Variants in LPP observed in about 807,000 individuals in gnomAD.
LPP encodes the protein LIM domain containing preferred translocation partner in lipoma.
In LPP, 38 loss-of-function variants were observed where a neutral mutation model predicts 60.4. The ratio of observed to expected loss-of-function variants is 0.63; its 90% CI spans 0.49 to 0.83. The LOEUF (loss-of-function observed/expected upper bound fraction) is 0.83. LPP is among the 40% of genes least tolerant of loss of function. LPP has a pLI of 0.00. For synonymous variants in LPP, 328 were observed against 290.8 expected (o/e 1.13, Z -1.30); for missense variants, 902 against 783.6 (o/e 1.15, Z -1.80).
At chr3:188,207,212 C>CTTTTTTTTTTTTTCTTTTT (rs1733488069) in intron 1 of LPP, among the ~76,000 whole-genome samples, 1 of 129,334 alleles carries the variant, frequency 7.7e-6, no homozygotes. Flanking sequence ...TACACATTTT[C>CTTTTTTTTTTTTTCTTTTT]TTTTTTTTTT....
intron 7 of LPP, among the ~76,000 whole-genome samples, chr3:188,692,298 C>T (rs115612147): frequency 0.014 from 2,125 of 152,282 alleles, 21 homozygotes; most frequent in African/African-American, 0.025. Flanking sequence ...ACATCACTGA[C>T]ATCTTCATGC....
rs2150253916 is a variant in LPP, at chr3:188,746,754, AAT to A, written c.1241-13358_1241-13357del. 3 of 259,996 alleles carry A rather than the reference AAT, an allele frequency of 1.2e-5. No individual in the cohort carries two copies. In the East Asian group the frequency reaches 2.4e-4, roughly 21 times the overall value. The allele number at this position is 259,996 out of a possible 1,614,324, so 16.1% of individuals were successfully genotyped here. ...TAGGGATTTGGATATATGTTTACTA[AAT>A]GTGATAATCTAAGTATGGAAACTAC... is the stretch of plus-strand genomic sequence containing the variant. On this transcript the variant is annotated intron_variant, in intron 8 of 11. Coordinates refer to ENST00000617246, the MANE Select transcript of LPP (RefSeq NM_001375462.1).
chr3:188,837,224 C>A (rs1421334432), intron 9 of LPP, among the ~76,000 whole-genome samples: 1 of 151,598 alleles, frequency 6.6e-6, no homozygotes, highest in African/African-American at 2.4e-5. Flanking sequence ...ACTAAAAATA[C>A]AAAAATTAGC....
chr3:188,561,536 G>A (rs116544190), intron 6 of LPP, among the ~76,000 whole-genome samples: 217 of 152,140 alleles, frequency 1.4e-3, no homozygotes, highest in African/African-American at 5.0e-3. Context: ...ACTAAAAGTC[G>A]GAGGAGCAGA....
intron 2 of LPP, among the ~76,000 whole-genome samples, chr3:188,325,192 G>A (rs922388903): frequency 2.0e-5 from 3 of 152,028 alleles, no homozygotes; most frequent in Admixed American, 6.6e-5. Context: ...TGTTGGCCAG[G>A]CTGGTCTCGA....
intron 8 of LPP, among the ~76,000 whole-genome samples, chr3:188,752,986 C>G (rs1417997457): frequency 6.6e-6 from 1 of 152,236 alleles, no homozygotes; most frequent in East Asian, 1.9e-4. Context: ...CTGGACTGGC[C>G]CTTCCTCTTT....
rs1287155180 is a variant in LPP at position 188,883,336 on chromosome 3, C to A, written c.*8857C>A. On this transcript the variant is annotated 3_prime_UTR_variant, in exon 12 of 12. Transcript: ENST00000617246. Reference sequence around the variant, plus strand: ...TGGTTGTACTTTCCTATTTAGAAGACAGACCGTTCTGACAGTTGTTGTGTA... The same window carrying A: ...TGGTTGTACTTTCCTATTTAGAAGAAAGACCGTTCTGACAGTTGTTGTGTA... The A allele has an allele frequency of 2.3e-5, 5 of 215,440 alleles. No homozygotes were observed. The highest frequency in any genetic ancestry group is 4.7e-5 in the Non-Finnish European group (5 of 106,856). 13.3% of individuals were successfully genotyped at this position (215,440 alleles called of 1,614,324 possible).
intron 6 of LPP, among the ~76,000 whole-genome samples, chr3:188,573,903 T>C (rs1402316342): frequency 1.3e-5 from 2 of 152,156 alleles, no homozygotes; most frequent in Non-Finnish European, 2.9e-5. Flanking sequence ...TATGACAATA[T>C]TTAATCATTC....
At chr3:188,459,970 G>A (rs910552995) in intron 4 of LPP, among the ~76,000 whole-genome samples, 1 of 152,062 alleles carries the variant, frequency 6.6e-6, no homozygotes, top group African/African-American at 2.4e-5. Flanking sequence ...TACCTTCAAG[G>A]AAATACTGTC....
At chr3:188,604,346 A>C (rs1485746644) in intron 6 of LPP, among the ~76,000 whole-genome samples, 1 of 152,144 alleles carries the variant, frequency 6.6e-6, no homozygotes, top group Non-Finnish European at 1.5e-5. Context: ...ACTATTTTTA[A>C]ATGCATTCGT....
intron 9 of LPP, among the ~76,000 whole-genome samples, chr3:188,802,681 G>T (rs1323205389): frequency 1.3e-5 from 2 of 152,112 alleles, no homozygotes; most frequent in African/African-American, 4.8e-5. Flanking sequence ...TACTCAGGGG[G>T]GCTGAGGCAG....
At chr3:188,303,124 T>G (rs2150167023) in intron 2 of LPP, among the ~76,000 whole-genome samples, 1 of 152,366 alleles carries the variant, frequency 6.6e-6, no homozygotes, top group South Asian at 2.1e-4. Context: ...AAGGGACAGA[T>G]GGTACACAGC....
chr3:188,786,405 A>C lies in LPP; in HGVS notation c.1410+26123A>C, dbSNP rs930529913. Among the ~76,000 whole-genome samples the C allele has an allele frequency of 6.5e-5, 9 of 138,874 alleles. No homozygotes were observed. The South Asian group carries it at 2.1e-3, about 33-fold the overall frequency. The allele number at this position is 138,874 out of a possible 152,430, so 91.1% of individuals were successfully genotyped here. On this transcript the variant is annotated intron_variant, in intron 9 of 11. Coordinates refer to ENST00000617246, the MANE Select transcript of LPP (RefSeq NM_001375462.1). ...CTCAAAAAAAAAAAAAAAAAAAAAAAAAAAAACCAACCATCAGTGCAGAAG... is the reference window on the plus strand; with the variant it reads ...CTCAAAAAAAAAAAAAAAAAAAAAACAAAAAACCAACCATCAGTGCAGAAG...
chr3:188,631,810 C>G (rs1847892923), intron 7 of LPP, among the ~76,000 whole-genome samples: 1 of 152,150 alleles, frequency 6.6e-6, no homozygotes, highest in Admixed American at 6.6e-5. Flanking sequence ...TGGGTGATGA[C>G]TTAAGCACAC....
chr3:188,510,238 C>T (rs951816788), intron 5 of LPP, among the ~76,000 whole-genome samples: 1 of 152,136 alleles, frequency 6.6e-6, no homozygotes, highest in Non-Finnish European at 1.5e-5. Flanking sequence ...AGACTTTCTT[C>T]AGCCTCCACC....
At chr3:188,835,381 T>C (rs1376959978) in intron 9 of LPP, among the ~76,000 whole-genome samples, 1 of 150,798 alleles carries the variant, frequency 6.6e-6, no homozygotes, top group Non-Finnish European at 1.5e-5. Flanking sequence ...AGTCCTAGCA[T>C]TTTGGGAGGC....
chr3:188,401,684 C>A (rs1179381383), intron 3 of LPP, among the ~76,000 whole-genome samples: 1 of 152,108 alleles, frequency 6.6e-6, no homozygotes, highest in Admixed American at 6.6e-5. Context: ...TTATTGAGTA[C>A]CTATCATGTG....
intron 3 of LPP, among the ~76,000 whole-genome samples, chr3:188,395,233 T>G (rs1207350995): frequency 6.6e-6 from 1 of 152,126 alleles, no homozygotes; most frequent in Non-Finnish European, 1.5e-5. Context: ...TAAAAACTTA[T>G]TTAGAGACAG....
chr3:188,768,280 G>A (rs879273469), intron 9 of LPP, among the ~76,000 whole-genome samples: 27 of 152,166 alleles, frequency 1.8e-4, no homozygotes, highest in East Asian at 3.9e-4. Flanking sequence ...AAAACGAGAT[G>A]CTTACCAAAT....
Sources: allele counts gnomAD v4.1 joint callset (sites outside exome capture counted in the v4.1 genomes callset), GRCh38; gene constraint gnomAD v4.1.1; transcripts MANE v1.5; gene names NCBI Gene and HGNC (gene_info 2026-07-23, HGNC 2026-07-21).